Variants in PLCG2 observed in about 807,000 individuals in gnomAD.
PLCG2 encodes the protein 1-phosphatidylinositol 4,5-bisphosphate phosphodiesterase gamma-2.
PLCG2 carries 69 observed loss-of-function variants against 175.6 expected under a neutral mutation model. The observed-to-expected ratio is 0.39, with a 90% CI of 0.32 to 0.48. PLCG2 has a LOEUF of 0.48. Among genes scored for constraint, PLCG2 ranks in the 20% least tolerant of loss-of-function variants. The pLI is 0.91. For synonymous variants in PLCG2, 827 were observed against 624.0 expected (o/e 1.33, Z -4.85); for missense variants, 1,798 against 1,650.9 (o/e 1.09, Z -1.54).
At chr16:81,765,555 C>T (rs1443651881) in intron 2 of PLCG2, among the ~76,000 whole-genome samples, 5 of 152,234 alleles carry the variant, frequency 3.3e-5, no homozygotes, top group Admixed American at 1.3e-4. Flanking sequence ...TGCTTGGACC[C>T]GAGAAGCAGA....
chr16:81,811,349 T>G (rs923318368), intron 2 of PLCG2, among the ~76,000 whole-genome samples: 2 of 152,270 alleles, frequency 1.3e-5, no homozygotes, highest in East Asian at 3.9e-4. Flanking sequence ...GTATCATCGA[T>G]AAGGGATGGT....
chr16:81,957,518 C>T (rs756414216), intron 32 of PLCG2, among the ~76,000 whole-genome samples: 4 of 152,112 alleles, frequency 2.6e-5, no homozygotes, highest in African/African-American at 4.8e-5. Flanking sequence ...GCTAGTCCAG[C>T]GGCTCTAGAC....
chr16:81,751,774 C>G (rs972409817), intron 1 of PLCG2, among the ~76,000 whole-genome samples: 2 of 152,028 alleles, frequency 1.3e-5, no homozygotes, highest in African/African-American at 4.8e-5. Flanking sequence ...GTAATCCTAG[C>G]CCTTTGGGAA....
At chr16:81,863,133 C>T in intron 5 of PLCG2, among the ~76,000 whole-genome samples, 1 of 152,202 alleles carries the variant, frequency 6.6e-6, no homozygotes, top group South Asian at 2.1e-4. Flanking sequence ...GCTCCCGTCA[C>T]CACCATCCAT....
chr16:81,901,223 G>A (rs1290555213), intron 14 of PLCG2, among the ~76,000 whole-genome samples: 1 of 152,052 alleles, frequency 6.6e-6, no homozygotes, highest in Non-Finnish European at 1.5e-5. Flanking sequence ...GCTTCCAGTT[G>A]TGTGGGAGGC....
intron 2 of PLCG2, chr16:81,756,093 T>G (rs957343508): frequency 1.3e-5 from 2 of 153,874 alleles, no homozygotes; most frequent in African/African-American, 4.8e-5. Flanking sequence ...AAAGACGGCT[T>G]CCTGTTCAAA....
intron 2 of PLCG2, among the ~76,000 whole-genome samples, chr16:81,824,211 G>A (rs552750818): frequency 1.4e-4 from 20 of 145,308 alleles, no homozygotes; most frequent in African/African-American, 3.5e-4. Flanking sequence ...TCAGCTCACC[G>A]CAACCTCCAC....
At chr16:81,820,999 C>T (rs556913246) in intron 2 of PLCG2, among the ~76,000 whole-genome samples, 4 of 149,044 alleles carry the variant, frequency 2.7e-5, no homozygotes, top group East Asian at 2.0e-4. Flanking sequence ...TCAAATGATC[C>T]GCCCACCTCA....
chr16:81,771,081 T>A (rs772354446), intron 2 of PLCG2, among the ~76,000 whole-genome samples: 2,125 of 148,576 alleles, frequency 0.014, 43 homozygotes, highest in African/African-American at 0.05. Flanking sequence ...AATAAATAAA[T>A]AAATAAAAGG....
intron 5 of PLCG2, among the ~76,000 whole-genome samples, chr16:81,862,409 C>T (rs561562623): frequency 3.9e-5 from 6 of 152,204 alleles, no homozygotes; most frequent in African/African-American, 7.2e-5. Context: ...TCTTGGCTGA[C>T]GGTTGAGCTA....
At chr16:81,935,227 G>T (rs1910657970) in intron 26 of PLCG2, among the ~76,000 whole-genome samples, 1 of 152,090 alleles carries the variant, frequency 6.6e-6, no homozygotes, top group South Asian at 2.1e-4. Flanking sequence ...AGTTTCTGGG[G>T]GCTGCTGGCA....
intron 13 of PLCG2, chr16:81,898,602 G>A (rs1019175363): frequency 6.6e-6 from 1 of 152,054 alleles, no homozygotes; most frequent in Admixed American, 6.5e-5. Flanking sequence ...ATTTATGGAA[G>A]TGACATAGCT....
At chr16:81,838,420 C>G (rs955164801) in intron 2 of PLCG2, among the ~76,000 whole-genome samples, 2 of 152,170 alleles carry the variant, frequency 1.3e-5, no homozygotes, top group Non-Finnish European at 2.9e-5. Flanking sequence ...TAAAATATAA[C>G]TTGCAGACAT....
chr16:81,794,503 T>C (rs1911378193), intron 2 of PLCG2, among the ~76,000 whole-genome samples: 5 of 152,208 alleles, frequency 3.3e-5, no homozygotes, highest in Admixed American at 2.6e-4. Flanking sequence ...TTTCAGTTAC[T>C]GGTATGCGGT....
At chr16:81,956,052 G>A (rs1413881546) in intron 31 of PLCG2, among the ~76,000 whole-genome samples, 3 of 152,170 alleles carry the variant, frequency 2.0e-5, no homozygotes, top group African/African-American at 7.2e-5. Context: ...CTCATTAGCT[G>A]CTGCCACTCA....
intron 2 of PLCG2, among the ~76,000 whole-genome samples, chr16:81,850,334 A>G (rs976242398): frequency 6.6e-6 from 1 of 152,234 alleles, no homozygotes; most frequent in Non-Finnish European, 1.5e-5. Context: ...AAAGTACTCA[A>G]GCTTCCCCCA....
intron 1 of PLCG2, among the ~76,000 whole-genome samples, chr16:81,752,403 G>C (rs1266486271): frequency 1.3e-5 from 2 of 152,196 alleles, no homozygotes; most frequent in African/African-American, 2.4e-5. Context: ...CTCTTTTAAG[G>C]CTCTCTCTTG....
chr16:81,960,747 A>G lies in PLCG2; in HGVS notation c.*2749A>G. 1 of 229,282 alleles carries G rather than the reference A, an allele frequency of 4.4e-6. No individual in the cohort carries two copies. The highest frequency in any genetic ancestry group is 8.7e-6 in the Non-Finnish European group (1 of 115,530). The allele number at this position is 229,282 out of a possible 1,614,324, so 14.2% of individuals were successfully genotyped here. A position where few individuals can be genotyped will look rare whatever the true frequency, so the allele number is the denominator to read the frequency against. On this transcript the variant is annotated 3_prime_UTR_variant, in exon 33 of 33. Coordinates refer to ENST00000564138, the MANE Select transcript of PLCG2 (RefSeq NM_002661.5). Reference sequence around the variant, plus strand: ...TAATACTTCGTATGCTTTGTGACCTAGTTAAAATCTAAACTTAAGTCGCCA... The same window carrying G: ...TAATACTTCGTATGCTTTGTGACCTGGTTAAAATCTAAACTTAAGTCGCCA...
At chr16:81,943,109 C>G (rs1390265203) in intron 30 of PLCG2, among the ~76,000 whole-genome samples, 2 of 152,018 alleles carry the variant, frequency 1.3e-5, no homozygotes, top group African/African-American at 4.8e-5. Context: ...GTAGGGGCTA[C>G]CTGATAGCCT....
Sources: gnomAD v4.1 joint callset for allele counts (sites outside exome capture counted in the v4.1 genomes callset) on GRCh38, gnomAD v4.1.1 for gene constraint, MANE v1.5 for transcripts, NCBI Gene and HGNC (gene_info 2026-07-23, HGNC 2026-07-21) for gene names.